Variants in EPHA6 observed in about 807,000 individuals in gnomAD.
EPHA6 encodes the protein EPH receptor A6, also known as ephrin type-A receptor 6.
In EPHA6, 50 loss-of-function variants were observed where a neutral mutation model predicts 112.0. The ratio of observed to expected loss-of-function variants is 0.45; its 90% confidence interval spans 0.36 to 0.56. The LOEUF is 0.56. EPHA6 is among the 20% of genes least tolerant of loss of function. The probability of loss-of-function intolerance (pLI) is 0.00; values close to 1 mark genes in which losing one functional copy is unlikely to be tolerated. For missense variants in EPHA6, 1,280 were observed against 1,417.4 expected, an observed-to-expected ratio of 0.90 and a Z score of 1.56; for synonymous variants, 529 against 490.7, an observed-to-expected ratio of 1.08 and a Z score of -1.03.
chr3:97,650,394 A>G (rs1430196936), intron 14 of EPHA6, among the ~76,000 whole-genome samples: 2 of 152,180 alleles, frequency 1.3e-5, no homozygotes, highest in Non-Finnish European at 2.9e-5. Flanking sequence ...TACTGCATAA[A>G]GAATTATTTC....
chr3:97,502,595 G>T (rs1272818512), intron 10 of EPHA6, among the ~76,000 whole-genome samples: 1 of 151,548 alleles, frequency 6.6e-6, no homozygotes, highest in African/African-American at 2.4e-5. Context: ...AGCACTTTGG[G>T]AGACCAAGAT....
chr3:97,584,279 C>T (rs1484256787), intron 11 of EPHA6, among the ~76,000 whole-genome samples: 1 of 152,146 alleles, frequency 6.6e-6, no homozygotes, highest in Admixed American at 6.6e-5. Context: ...ATAAGACATA[C>T]ACAACTCATT....
At chr3:97,429,948 A>T (rs1287363128) in intron 6 of EPHA6, among the ~76,000 whole-genome samples, 1 of 152,218 alleles carries the variant, frequency 6.6e-6, no homozygotes, top group Non-Finnish European at 1.5e-5. Context: ...TTACCATGAG[A>T]ATCTCTGCTC....
At chr3:97,064,037 A>G (rs2046106043) in intron 3 of EPHA6, among the ~76,000 whole-genome samples, 1 of 152,202 alleles carries the variant, frequency 6.6e-6, no homozygotes, top group African/African-American at 2.4e-5. Context: ...AGGAAATTTC[A>G]TAGTCCACAT....
intron 3 of EPHA6, among the ~76,000 whole-genome samples, chr3:97,113,763 C>A (rs1370224002): frequency 6.6e-6 from 1 of 152,058 alleles, no homozygotes; most frequent in Non-Finnish European, 1.5e-5. Context: ...ATATTGATTG[C>A]ATTTGTCATT....
chr3:97,691,562 G>T (rs1700462270), intron 14 of EPHA6, among the ~76,000 whole-genome samples: 1 of 151,912 alleles, frequency 6.6e-6, no homozygotes, highest in Non-Finnish European at 1.5e-5. Context: ...TTAGGGAAAG[G>T]GTTACTGACT....
intron 3 of EPHA6, among the ~76,000 whole-genome samples, chr3:97,142,716 C>T (rs2075943917): frequency 6.6e-6 from 1 of 151,794 alleles, no homozygotes; most frequent in Non-Finnish European, 1.5e-5. Context: ...AATGGATTCA[C>T]AGCCCAATCT....
intron 13 of EPHA6, among the ~76,000 whole-genome samples, chr3:97,629,266 C>T (rs2093883874): frequency 6.6e-6 from 1 of 151,936 alleles, no homozygotes. Flanking sequence ...TTGAAACACA[C>T]CTTAATTACA....
chr3:97,505,027 C>A (rs1313001906), intron 10 of EPHA6, among the ~76,000 whole-genome samples: 1 of 151,710 alleles, frequency 6.6e-6, no homozygotes, highest in Non-Finnish European at 1.5e-5. Context: ...ATGAGGTTAC[C>A]TTTGTCATCC....
intron 10 of EPHA6, among the ~76,000 whole-genome samples, chr3:97,512,143 C>T (rs1379645589): frequency 2.0e-5 from 3 of 152,070 alleles, no homozygotes; most frequent in African/African-American, 7.2e-5. Flanking sequence ...AACATCAAAA[C>T]AAACTTTTTC....
intron 5 of EPHA6, among the ~76,000 whole-genome samples, chr3:97,315,857 A>G (rs995994389): frequency 1.3e-5 from 2 of 151,796 alleles, no homozygotes; most frequent in East Asian, 1.9e-4. Flanking sequence ...TTCTTATTTC[A>G]CACACTGTGT....
At chr3:96,973,892 TATATA>T (rs905153776) in intron 2 of EPHA6, among the ~76,000 whole-genome samples, 19 of 146,054 alleles carry the variant, frequency 1.3e-4, no homozygotes, top group East Asian at 1.2e-3. Flanking sequence ...TTCTGTATAT[TATATA>T]ATATATGATA....
At chr3:97,057,149 T>C (rs1263972045) in intron 3 of EPHA6, among the ~76,000 whole-genome samples, 1 of 152,174 alleles carries the variant, frequency 6.6e-6, no homozygotes, top group African/African-American at 2.4e-5. Flanking sequence ...ATGTGTGTGA[T>C]TTTACTTTGG....
At position 97,755,978 on chromosome 3, in the gene EPHA6, C is replaced by T. The variant is rs778976035; in HGVS notation, c.*7277C>T. 1.9e-4 allele frequency among the ~76,000 whole-genome samples: 29 copies of T among 151,878 alleles called. No individual in the cohort carries two copies. Among genetic ancestry groups the T allele is most frequent in the Non-Finnish European group, 2.4e-4 (16 of 67,850 alleles). ...TTATAATTAAAAATCTCTTTCCTACCTTTAGTAATTTGTAGGATGAACTGT... is the reference window on the plus strand; with the variant it reads ...TTATAATTAAAAATCTCTTTCCTACTTTTAGTAATTTGTAGGATGAACTGT... On this transcript the variant is annotated 3_prime_UTR_variant, in exon 18 of 18. Coordinates refer to ENST00000389672, the MANE Select transcript of EPHA6 (RefSeq NM_001080448.3).
intron 2 of EPHA6, among the ~76,000 whole-genome samples, chr3:96,976,269 A>G (rs551027253): frequency 6.6e-6 from 1 of 152,268 alleles, no homozygotes; most frequent in Non-Finnish European, 1.5e-5. Flanking sequence ...ATTGAATTTT[A>G]TAATTCTTTA....
rs557496999 is a variant in EPHA6, at chr3:97,461,424, C to T, written c.1894+12694C>T. Among the ~76,000 whole-genome samples, 9 of 152,184 alleles carry T rather than the reference C, an allele frequency of 5.9e-5. No homozygotes were observed. The South Asian group carries it at 1.9e-3, about 32-fold the overall frequency. On this transcript the variant is annotated intron_variant, in intron 7 of 17. Coordinates refer to ENST00000389672, the MANE Select transcript of EPHA6 (RefSeq NM_001080448.3). ...CTGGAAAATGGATATAAGGATACCA[C>T]CTACTTTCTAAGGTTCCTGTGAGTA...
chr3:97,687,660 A>G (rs569187795), intron 14 of EPHA6, among the ~76,000 whole-genome samples: 39 of 152,338 alleles, frequency 2.6e-4, no homozygotes, highest in African/African-American at 9.1e-4. Context: ...GAAATGATTA[A>G]TGTAAACAAA....
At chr3:97,010,866 T>C (rs576916949) in intron 3 of EPHA6, among the ~76,000 whole-genome samples, 1 of 152,300 alleles carries the variant, frequency 6.6e-6, no homozygotes, top group East Asian at 1.9e-4. Context: ...TTCAAAAGCT[T>C]TCAATAGAGG....
At position 97,033,114 on chromosome 3, in the gene EPHA6, T is replaced by C. The variant is rs182886353; in HGVS notation, c.1114+45121T>C. Among the ~76,000 whole-genome samples, 28 of 151,848 alleles carry C rather than the reference T, an allele frequency of 1.8e-4. 1 individual carries two copies. The highest frequency in any genetic ancestry group is 6.8e-4 in the African/African-American group (28 of 41,452). On this transcript the variant is annotated intron_variant, in intron 3 of 17. Transcript: ENST00000389672. ...TACCACAACCGAGGAATACAGGGAA[T>C]CCTGAGCAAGCGGTATTATGAGGAG...
Sources: allele counts gnomAD v4.1 joint callset (sites outside exome capture counted in the v4.1 genomes callset), GRCh38; gene constraint gnomAD v4.1.1; transcripts MANE v1.5; gene names NCBI Gene and HGNC (gene_info 2026-07-23, HGNC 2026-07-21).